The following RAB27B variants were observed in gnomAD, a reference collection of about 807,000 sequenced individuals.
RAB27B encodes the protein RAB27B, member RAS oncogene family, also known as ras-related protein Rab-27B.
Under a neutral mutation model 24.6 loss-of-function variants are expected in RAB27B, and 15 were observed. The ratio of observed to expected loss-of-function variants is 0.61; its 90% CI spans 0.41 to 0.94. The LOEUF (loss-of-function observed/expected upper bound fraction) is 0.94. RAB27B is among the 40% of genes least tolerant of loss of function. The probability of loss-of-function intolerance (pLI) is 0.00; values close to 1 mark genes in which losing one functional copy is unlikely to be tolerated. For missense variants in RAB27B, 261 were observed against 266.8 expected, an observed-to-expected ratio of 0.98 and a Z score of 0.15; for synonymous variants, 105 against 92.5, an observed-to-expected ratio of 1.14 and a Z score of -0.78.
intron 2 of RAB27B, among the ~76,000 whole-genome samples, chr18:54,816,255 A>G (rs541503301): frequency 6.6e-6 from 1 of 152,384 alleles, no homozygotes; most frequent in East Asian, 1.9e-4. Flanking sequence ...AATTGAGGGT[A>G]TAAGGCGAAG....
chr18:54,764,624 C>T (rs1416973325), intron 2 of RAB27B, among the ~76,000 whole-genome samples: 1 of 152,088 alleles, frequency 6.6e-6, no homozygotes, highest in Non-Finnish European at 1.5e-5. Flanking sequence ...TTTCCCAACA[C>T]AGAATCCCTC....
intron 2 of RAB27B, among the ~76,000 whole-genome samples, chr18:54,759,848 T>C (rs1346322718): frequency 6.6e-6 from 1 of 152,184 alleles, no homozygotes; most frequent in African/African-American, 2.4e-5. Flanking sequence ...GACAGCCGTT[T>C]AGCCAGTGGA....
chr18:54,800,025 T>G (rs1909552503), intron 2 of RAB27B, among the ~76,000 whole-genome samples: 1 of 152,210 alleles, frequency 6.6e-6, no homozygotes, highest in African/African-American at 2.4e-5. Flanking sequence ...CAACAGGAAC[T>G]TGAACTAGTG....
At chr18:54,727,369 CA>C (rs1203785821) in intron 2 of RAB27B, among the ~76,000 whole-genome samples, 1 of 151,984 alleles carries the variant, frequency 6.6e-6, no homozygotes, top group African/African-American at 2.4e-5. Context: ...AAATGAAAAG[CA>C]AAATGTAAGT....
At chr18:54,869,514 T>G (rs1912380552) in intron 1 of RAB27B, among the ~76,000 whole-genome samples, 1 of 152,178 alleles carries the variant, frequency 6.6e-6, no homozygotes, top group Non-Finnish European at 1.5e-5. Flanking sequence ...CCACAGCACT[T>G]GTCTTTTAGT....
At chr18:54,876,879 A>T (rs550816178) in intron 1 of RAB27B, among the ~76,000 whole-genome samples, 2 of 152,018 alleles carry the variant, frequency 1.3e-5, no homozygotes, top group South Asian at 4.2e-4. Context: ...CCTCTTCCTA[A>T]TACCATCCTC....
At chr18:54,876,809 G>C (rs955412544) in intron 1 of RAB27B, among the ~76,000 whole-genome samples, 1 of 152,124 alleles carries the variant, frequency 6.6e-6, no homozygotes, top group Admixed American at 6.5e-5. Flanking sequence ...TATAAGTGAT[G>C]TCTCTCTGTA....
intron 2 of RAB27B, among the ~76,000 whole-genome samples, chr18:54,770,278 C>T (rs1908501387): frequency 6.6e-6 from 1 of 152,150 alleles, no homozygotes; most frequent in Non-Finnish European, 1.5e-5. Context: ...AAAGCTTCTT[C>T]TGTGTTTACA....
intron 2 of RAB27B, among the ~76,000 whole-genome samples, chr18:54,776,572 G>A (rs969354618): frequency 6.6e-6 from 1 of 152,216 alleles, no homozygotes; most frequent in African/African-American, 2.4e-5. Flanking sequence ...ACAGAGGATA[G>A]ATTCTAGTGG....
chr18:54,865,480 G>C (rs1372896389), intron 1 of RAB27B, among the ~76,000 whole-genome samples: 1 of 152,134 alleles, frequency 6.6e-6, no homozygotes, highest in Non-Finnish European at 1.5e-5. Context: ...TTTAACCTAA[G>C]AGTAATCTCT....
chr18:54,729,328 G>A (rs1191747719), intron 2 of RAB27B, among the ~76,000 whole-genome samples: 2 of 152,104 alleles, frequency 1.3e-5, no homozygotes, highest in Admixed American at 1.3e-4. Flanking sequence ...GGAGAGGAGT[G>A]ATATTCTAAG....
At chr18:54,728,900 ACCC>A (rs372124764) in intron 2 of RAB27B, among the ~76,000 whole-genome samples, 97 of 63,878 alleles carry the variant, frequency 1.5e-3, no homozygotes, top group East Asian at 3.4e-3. Context: ...AAAAAAAAAA[ACCC>A]AAAAAAAAAA....
chr18:54,790,535 T>G (rs1381374985), intron 2 of RAB27B, among the ~76,000 whole-genome samples: 6 of 152,110 alleles, frequency 3.9e-5, no homozygotes, highest in Non-Finnish European at 8.8e-5. Flanking sequence ...GAGAAAAAAA[T>G]GAAAAATTTA....
intron 2 of RAB27B, among the ~76,000 whole-genome samples, chr18:54,765,050 G>T (rs996323281): frequency 8.6e-5 from 13 of 151,604 alleles, no homozygotes; most frequent in South Asian, 4.2e-4. Flanking sequence ...CAGGTTGCAA[G>T]ATGCTAGGGA....
At chr18:54,832,349 G>C (rs942405050) in intron 1 of RAB27B, among the ~76,000 whole-genome samples, 1 of 152,214 alleles carries the variant, frequency 6.6e-6, no homozygotes, top group Non-Finnish European at 1.5e-5. Flanking sequence ...AAGACACTGG[G>C]TAGACAGAAG....
chr18:54,737,464 A>C (rs764923527), intron 2 of RAB27B, among the ~76,000 whole-genome samples: 4 of 152,208 alleles, frequency 2.6e-5, no homozygotes, highest in Admixed American at 2.6e-4. Context: ...ATTGATCAAA[A>C]TTTAATTTTG....
At chr18:54,828,339 T>C (rs994778635), upstream of RAB27B, 4 of 152,260 alleles carry the variant, frequency 2.6e-5, no homozygotes, top group Non-Finnish European at 4.4e-5. Context: ...ACTGCAGCAG[T>C]TGAGTCACCA....
At chr18:54,737,027 T>G (rs953797126) in intron 2 of RAB27B, among the ~76,000 whole-genome samples, 1 of 152,108 alleles carries the variant, frequency 6.6e-6, no homozygotes, top group Non-Finnish European at 1.5e-5. Context: ...CAGATTATCT[T>G]CATACATCAA....
Position 54,785,458 on chromosome 18 carries a change from T to C in RAB27B, c.-20+67317T>C, listed in dbSNP as rs74951864. 6.1e-3 allele frequency among the ~76,000 whole-genome samples: 900 copies of C among 147,446 alleles called. 10 individuals carry two copies. Among genetic ancestry groups the C allele is most frequent in the African/African-American group, 0.022 (859 of 38,982 alleles). The stretch of plus-strand genomic sequence containing the variant: ...CAGGTTTTTTTTTTTTTTTTTTTTT[T>C]CCAAAATGCCACTTTATCAGCGAGG... On this transcript the variant is annotated intron_variant, in intron 2 of 4. Coordinates refer to the RAB27B transcript ENST00000586570.
Sources: gnomAD v4.1 joint callset for allele counts (sites outside exome capture counted in the v4.1 genomes callset) on GRCh38, gnomAD v4.1.1 for gene constraint, MANE v1.5 for transcripts, NCBI Gene and HGNC (gene_info 2026-07-23, HGNC 2026-07-21) for gene names.